Variants in NBAS observed in about 807,000 individuals in gnomAD.
The protein encoded by NBAS is NAG/BC035112 fusion.
In NBAS, 219 loss-of-function variants were observed where a neutral mutation model predicts 302.5. The ratio of observed to expected loss-of-function variants is 0.72; its 90% confidence interval spans 0.65 to 0.81. NBAS has a LOEUF of 0.81. NBAS is among the 30% of genes least tolerant of loss of function. NBAS has a pLI of 0.00. For synonymous variants in NBAS, 1,118 were observed against 1,021.6 expected, an observed-to-expected ratio of 1.09 and a Z score of -1.80; for missense variants, 2,932 against 2,841.6, an observed-to-expected ratio of 1.03 and a Z score of -0.72.
chr2:15,047,503 C>T, the NBAS span, among the ~76,000 whole-genome samples: 1 of 151,490 alleles, frequency 6.6e-6, no homozygotes, highest in Non-Finnish European at 1.5e-5. Context: ...GGGCTAGGCC[C>T]ATGCAAGTGA....
chr2:14,970,348 C>A, the NBAS span, among the ~76,000 whole-genome samples: 1 of 152,116 alleles, frequency 6.6e-6, no homozygotes, highest in East Asian at 1.9e-4. Flanking sequence ...AAGACTACAC[C>A]ACTTAATGTT....
chr2:14,965,778 A>AT, the NBAS span, among the ~76,000 whole-genome samples: 64 of 152,166 alleles, frequency 4.2e-4, no homozygotes, highest in Middle Eastern at 3.4e-3. Context: ...TTCTAAAAAA[A>AT]AAATCTAACA....
chr2:15,135,992 T>A, the NBAS span, among the ~76,000 whole-genome samples: 1 of 151,986 alleles, frequency 6.6e-6, no homozygotes, highest in Admixed American at 6.6e-5. Flanking sequence ...AAGCATGCTG[T>A]GGAGCAAGGG....
Position 15,218,900 on chromosome 2 carries a change from G to A in NBAS, c.6305C>T (p.Pro2102Leu), listed in dbSNP as rs137987698. The change falls in exon 48 of 52, where the codon CCG (proline) becomes CTG (leucine). Residue 2102 changes from proline (P) to leucine (L), a missense_variant. By Grantham distance (98) the Pro-to-Leu change is moderately conservative. Transcript: ENST00000281513. ...CAGCACGTGAATGCGGGGCCGCACC[G>A]GCCAGGCGTCATCAGCACAGAAAGG... ...LRPFCADDAW[P>L]VRPRIHVLQI... 42 of 1,614,134 alleles carry A rather than the reference G, an allele frequency of 2.6e-5. No individual in the cohort carries two copies. Among genetic ancestry groups the A allele is most frequent in the Middle Eastern group, 1.6e-4 (1 of 6,084 alleles).
intron 25 of NBAS, among the ~76,000 whole-genome samples, chr2:15,410,854 T>C (rs1255948355): frequency 6.6e-6 from 1 of 152,138 alleles, no homozygotes; most frequent in Non-Finnish European, 1.5e-5. Flanking sequence ...CTAGCCAATA[T>C]AGCAAAGGTT....
chr2:14,801,658 G>A, the NBAS span, among the ~76,000 whole-genome samples: 1 of 151,530 alleles, frequency 6.6e-6, no homozygotes, highest in Non-Finnish European at 1.5e-5. Flanking sequence ...CTTTTATTAT[G>A]GGTTATATTT....
intron 44 of NBAS, among the ~76,000 whole-genome samples, chr2:15,254,436 A>G (rs969220507): frequency 1.3e-5 from 2 of 152,220 alleles, no homozygotes; most frequent in African/African-American, 4.8e-5. Flanking sequence ...GTGCAGTGGT[A>G]GAAAGTGATT....
At chr2:15,314,819 C>T (rs567268227) in intron 38 of NBAS, among the ~76,000 whole-genome samples, 1 of 152,262 alleles carries the variant, frequency 6.6e-6, no homozygotes, top group East Asian at 1.9e-4. Context: ...GTTTTATATG[C>T]CTACAATGAA....
chr2:15,515,802 A>T (rs1312309015), intron 9 of NBAS, among the ~76,000 whole-genome samples: 14 of 152,192 alleles, frequency 9.2e-5, no homozygotes, highest in Admixed American at 7.9e-4. Context: ...CAGTCAATGG[A>T]AGAGAAGAGT....
At chr2:14,889,186 G>T in the NBAS span, among the ~76,000 whole-genome samples, 3 of 152,134 alleles carry the variant, frequency 2.0e-5, no homozygotes, top group Non-Finnish European at 2.9e-5. Flanking sequence ...GTGTTTTGAT[G>T]GTGATTTATT....
the NBAS span, among the ~76,000 whole-genome samples, chr2:14,928,127 A>T: frequency 6.6e-6 from 1 of 152,192 alleles, no homozygotes; most frequent in African/African-American, 2.4e-5. Flanking sequence ...TAATAATATG[A>T]TGCTATTTCA....
chr2:15,167,409 C>T, intron 51 of NBAS, 86 bp from the exon 52 acceptor site: 1 of 1,519,264 alleles, frequency 6.6e-7, no homozygotes, highest in Non-Finnish European at 9.0e-7. Context: ...ACTGGGCTGC[C>T]TTCATCATCA....
At chr2:14,784,795 G>A in the NBAS span, among the ~76,000 whole-genome samples, 14 of 152,194 alleles carry the variant, frequency 9.2e-5, no homozygotes, top group Non-Finnish European at 1.8e-4. Context: ...TTGACTTGGC[G>A]ATGCAGGCTC....
At chr2:15,056,504 C>T in the NBAS span, among the ~76,000 whole-genome samples, 2 of 152,218 alleles carry the variant, frequency 1.3e-5, no homozygotes, top group African/African-American at 2.4e-5. Flanking sequence ...TCCATTTTCT[C>T]ATCTGTCGAA....
At position 15,325,609 on chromosome 2, in the gene NBAS, C is replaced by G. The variant is rs976217632; in HGVS notation, c.4582+2141G>C. Among the ~76,000 whole-genome samples, 6 of 152,158 alleles carry G rather than the reference C, an allele frequency of 3.9e-5. No individual in the cohort carries two copies. The East Asian group carries it at 9.6e-4, about 24-fold the overall frequency. On this transcript the variant is annotated intron_variant, in intron 38 of 51. Transcript: ENST00000281513. ...CAGAATTAAAGGCAGTAAAAGGGAC[C>G]TGTTCTGGATTACACTTTGGCTTAA...
chr2:14,998,407 C>G, the NBAS span, among the ~76,000 whole-genome samples: 48 of 152,182 alleles, frequency 3.2e-4, no homozygotes, highest in African/African-American at 1.1e-3. Flanking sequence ...AGGCAAAGGC[C>G]CACACAATGG....
intron 28 of NBAS, among the ~76,000 whole-genome samples, chr2:15,391,665 C>T (rs952170299): frequency 4.6e-5 from 7 of 151,922 alleles, no homozygotes; most frequent in Non-Finnish European, 1.0e-4. Flanking sequence ...AAACTATAAA[C>T]CCAAAGACCC....
At chr2:15,364,957 A>C (rs1380466019) in intron 32 of NBAS, among the ~76,000 whole-genome samples, 3 of 152,138 alleles carry the variant, frequency 2.0e-5, no homozygotes, top group African/African-American at 4.8e-5. Context: ...AACACTCTAT[A>C]AGGTAAAGGC....
chr2:15,513,241 TAAA>T (rs35760492), intron 9 of NBAS, among the ~76,000 whole-genome samples: 9 of 152,196 alleles, frequency 5.9e-5, no homozygotes, highest in Non-Finnish European at 1.2e-4. Flanking sequence ...AAATTGGAAG[TAAA>T]AAACTTTGAG....
Sources: allele counts gnomAD v4.1 joint callset (sites outside exome capture counted in the v4.1 genomes callset), GRCh38; gene constraint gnomAD v4.1.1; transcripts MANE v1.5; gene names NCBI Gene and HGNC (gene_info 2026-07-23, HGNC 2026-07-21).